OTUD4: variants seen among roughly 807,000 people sequenced by gnomAD.
OTUD4 encodes OTU domain-containing protein 4.
Under a neutral mutation model 130.4 loss-of-function variants are expected in OTUD4, and 24 were observed. The observed-to-expected ratio is 0.18, with a 90% CI of 0.13 to 0.26. OTUD4 has a LOEUF of 0.26. Among genes scored for constraint, OTUD4 ranks in the 10% least tolerant of loss-of-function variants. The pLI, the probability that OTUD4 is intolerant of heterozygous loss-of-function variation, is 1.00. For missense variants in OTUD4, 1,031 were observed against 1,329.4 expected (o/e 0.78, Z 3.49); for synonymous variants, 420 against 472.5 (o/e 0.89, Z 1.44).
At chr4:145,146,482 A>T in intron 13 of OTUD4, 53 bp from the exon 14 acceptor site, 1 of 1,030,114 alleles carries the variant, frequency 9.7e-7, no homozygotes, top group Non-Finnish European at 1.3e-6. Flanking sequence ...AAATAAATAA[A>T]TAAATAAAAC....
Position 145,135,419 on chromosome 4 carries a change from C to T in OTUD4, c.*2011G>A, listed in dbSNP as rs1374835626. The T allele has an allele frequency of 6.6e-6, 1 of 152,158 alleles. No homozygotes were observed. Among genetic ancestry groups the T allele is most frequent in the African/African-American group, 2.4e-5 (1 of 41,440 alleles). 9.4% of individuals were successfully genotyped at this position (152,158 alleles called of 1,614,324 possible). On this transcript the variant is annotated 3_prime_UTR_variant, in exon 21 of 21. Transcript: ENST00000447906. ...ACTAGAAGCAACAACTTATTTTGGA[C>T]TCCTGAGATCAAACACATTGAACTT...
intron 7 of OTUD4, among the ~76,000 whole-genome samples, chr4:145,158,243 G>A (rs183691011): frequency 2.6e-5 from 4 of 152,218 alleles, no homozygotes; most frequent in Admixed American, 2.6e-4. Flanking sequence ...CAGCACTTTG[G>A]GAGGCCAAGG....
intron 7 of OTUD4, among the ~76,000 whole-genome samples, chr4:145,156,804 A>T (rs952064500): frequency 6.6e-6 from 1 of 152,186 alleles, no homozygotes; most frequent in African/African-American, 2.4e-5. Flanking sequence ...AAATAACTTG[A>T]TTGTCTACTA....
At chr4:145,163,730 G>A (rs1302238883) in intron 5 of OTUD4, among the ~76,000 whole-genome samples, 3 of 147,774 alleles carry the variant, frequency 2.0e-5, no homozygotes, top group Admixed American at 6.8e-5. Flanking sequence ...TTTTAAGACG[G>A]AGGTTCACTC....
chr4:145,136,514 AT>A lies in OTUD4; in HGVS notation c.*915del. ...ACTCTAGAAACCTGTCAAGCTAAAA[AT>A]TTTTAACATTTCTTCTCACAAAATA... On this transcript the variant is annotated 3_prime_UTR_variant, in exon 21 of 21. Transcript: ENST00000447906. The A allele has an allele frequency of 6.9e-6, 1 of 145,866 alleles. No homozygotes were observed. The highest frequency in any genetic ancestry group is 1.5e-5 in the Non-Finnish European group (1 of 66,864). The allele number at this position is 145,866 out of a possible 1,614,324, so 9.0% of individuals were successfully genotyped here.
Position 145,155,701 on chromosome 4 carries a change from G to A in OTUD4, c.691-15C>T, listed in dbSNP as rs1199692065. ...TTCTTCAGCTGCTAAACAAAGTCAGGAAGTCCAATCAACACATAAGTGCTT... is the reference window on the plus strand; with the variant it reads ...TTCTTCAGCTGCTAAACAAAGTCAGAAAGTCCAATCAACACATAAGTGCTT... On this transcript the variant is annotated splice_polypyrimidine_tract_variant and intron_variant, in intron 8 of 20. Coordinates refer to ENST00000447906, the MANE Select transcript of OTUD4 (RefSeq NM_001366057.1). 6.6e-7 allele frequency: 1 copy of A among 1,514,140 alleles called. No homozygotes were observed. Among genetic ancestry groups the A allele is most frequent in the Non-Finnish European group, 9.1e-7 (1 of 1,101,538 alleles). 93.8% of individuals were successfully genotyped at this position (1,514,140 alleles called of 1,614,324 possible).
At chr4:145,143,477 A>T in intron 16 of OTUD4, 32 bp from the exon 17 acceptor site, 1 of 1,313,658 alleles carries the variant, frequency 7.6e-7, no homozygotes, top group East Asian at 2.3e-5. Context: ...AAAGTTTTGT[A>T]TTTCAGAGAC....
rs150218466 is a variant in OTUD4 at position 145,162,320 on chromosome 4, G to A, written c.496+320C>T. Reference sequence around the variant, plus strand: ...TGTAATCCCAGCACTTTGGGAGGTCGAGGCGGGCGGATCACGAGGTCAGGA... The same window carrying A: ...TGTAATCCCAGCACTTTGGGAGGTCAAGGCGGGCGGATCACGAGGTCAGGA... On this transcript the variant is annotated intron_variant, in intron 6 of 20. Transcript: ENST00000447906. Among the ~76,000 whole-genome samples, 674 of 152,164 alleles carry A rather than the reference G, an allele frequency of 4.4e-3. 4 individuals carry two copies. Among genetic ancestry groups the A allele is most frequent in the African/African-American group, 0.015 (616 of 41,560 alleles).
At chr4:145,169,164 A>T (rs1752027874) in intron 3 of OTUD4, among the ~76,000 whole-genome samples, 1 of 152,224 alleles carries the variant, frequency 6.6e-6, no homozygotes, top group Admixed American at 6.5e-5. Flanking sequence ...AAAAGGCAAA[A>T]GGAAACTTTC....
intron 18 of OTUD4, among the ~76,000 whole-genome samples, 162 bp from the exon 19 acceptor site, chr4:145,141,801 C>T (rs755065866): frequency 3.9e-5 from 6 of 152,128 alleles, no homozygotes; most frequent in Admixed American, 1.3e-4. Flanking sequence ...GAAGGAAATA[C>T]GTCCAGGATA....
Position 145,138,421 on chromosome 4 carries a change from A to G in OTUD4, c.2354T>C (p.Ile785Thr), listed in dbSNP as rs1324818459. Reference protein sequence around the residue: ...SVNGQMPQPEIGPPTFSSPLV... With the variant: ...SVNGQMPQPETGPPTFSSPLV... ...AGGTGAAGAAAATGTCGGCGGTCCAATCTCTGGCTGTGGCATTTGACCATT... is the reference window on the plus strand; with the variant it reads ...AGGTGAAGAAAATGTCGGCGGTCCAGTCTCTGGCTGTGGCATTTGACCATT... Residue 785 changes from isoleucine to threonine, a missense_variant, in exon 21 of 21, where the codon ATT becomes ACT. Physicochemically the swap from Ile to Thr is moderately conservative, Grantham distance 89. Coordinates refer to ENST00000447906, the MANE Select transcript of OTUD4 (RefSeq NM_001366057.1). 3 of 1,614,066 alleles carry G rather than the reference A, an allele frequency of 1.9e-6. No individual in the cohort carries two copies. Among genetic ancestry groups the G allele is most frequent in the Admixed American group, 1.7e-5 (1 of 60,008 alleles).
rs114351429 is a variant in OTUD4 at position 145,168,236 on chromosome 4, A to G, written c.295-3039T>C. On this transcript the variant is annotated intron_variant, in intron 3 of 20. Transcript: ENST00000447906. ...TCTTGTTCCTCAAAAGACATTGTTAAGAAAATGAAAAGCCAAGCTTGTGAT... is the reference window on the plus strand; with the variant it reads ...TCTTGTTCCTCAAAAGACATTGTTAGGAAAATGAAAAGCCAAGCTTGTGAT... 5.4e-3 allele frequency among the ~76,000 whole-genome samples: 818 copies of G among 152,112 alleles called. 2 individuals carry two copies. Among genetic ancestry groups the G allele is most frequent in the Middle Eastern group, 0.017 (5 of 294 alleles).
chr4:145,179,361 C>T (rs928865786), intron 1 of OTUD4, among the ~76,000 whole-genome samples: 2 of 152,186 alleles, frequency 1.3e-5, no homozygotes, highest in Non-Finnish European at 2.9e-5. Context: ...TTCCAAAGTC[C>T]AGCAGCAAAC....
At chr4:145,175,544 T>G (rs889805370) in intron 1 of OTUD4, among the ~76,000 whole-genome samples, 2 of 152,072 alleles carry the variant, frequency 1.3e-5, no homozygotes, top group African/African-American at 2.4e-5. Flanking sequence ...TTGAAACAAC[T>G]ATTTCTTTTT....
rs1237143304 is a variant in OTUD4, at chr4:145,144,313, T to C, written c.1544A>G (p.Lys515Arg). The C allele has an allele frequency of 3.1e-6, 5 of 1,610,116 alleles. No homozygotes were observed. In the African/African-American group the frequency reaches 5.4e-5, roughly 17 times the overall value. ...TTTCTAATGATGAGATAACTTACCT[T>C]TGTCTTTTCGTTCTTCTGTATCCAT... is the stretch of plus-strand genomic sequence containing the variant. ...RRMDTEERKD[K>R]DSIHGHSQLD... The change falls in exon 15 of 21, where the codon AAA becomes AGA. Residue 515 changes from lysine (K) to arginine (R), a missense_variant and splice_region_variant. Physicochemically the swap from Lys to Arg is conservative, Grantham distance 26. Coordinates refer to ENST00000447906, the MANE Select transcript of OTUD4 (RefSeq NM_001366057.1).
intron 3 of OTUD4, among the ~76,000 whole-genome samples, chr4:145,169,327 A>G (rs1173638703): frequency 1.3e-5 from 2 of 152,210 alleles, no homozygotes; most frequent in East Asian, 3.9e-4. Context: ...TTCTCGCACA[A>G]GTTTGAAGTA....
intron 1 of OTUD4, chr4:145,178,255 C>T (rs959561727): frequency 6.6e-6 from 1 of 152,140 alleles, no homozygotes; most frequent in Admixed American, 6.5e-5. Flanking sequence ...GTATGCACTA[C>T]GGAAATCAGG....
chr4:145,175,549 C>CT (rs11406816), intron 1 of OTUD4, among the ~76,000 whole-genome samples: 1,686 of 145,814 alleles, frequency 0.012, 24 homozygotes, highest in African/African-American at 0.031. Flanking sequence ...ACAACTATTT[C>CT]TTTTTTTTTT....
intron 13 of OTUD4, among the ~76,000 whole-genome samples, chr4:145,148,014 C>T (rs755635575): frequency 5.3e-5 from 8 of 152,194 alleles, no homozygotes; most frequent in Non-Finnish European, 1.2e-4. Context: ...TGACAAACTG[C>T]AAATACCACT....
Sources: allele counts gnomAD v4.1 joint callset (sites outside exome capture counted in the v4.1 genomes callset), GRCh38; gene constraint gnomAD v4.1.1; transcripts MANE v1.5; gene names NCBI Gene and HGNC (gene_info 2026-07-23, HGNC 2026-07-21).